TOX: variants seen among roughly 807,000 people sequenced by gnomAD.
TOX encodes thymocyte selection-associated high mobility group box protein TOX.
In TOX, 11 loss-of-function variants were observed where a neutral mutation model predicts 53.7. The observed-to-expected ratio is 0.20, with a 90% confidence interval of 0.13 to 0.34. The LOEUF (loss-of-function observed/expected upper bound fraction) is 0.34, where lower values mean the gene tolerates loss of function less well. Among genes scored for constraint, TOX ranks in the 10% least tolerant of loss-of-function variants. The pLI is 1.00. For missense variants in TOX, 570 were observed against 664.6 expected (o/e 0.86, Z 1.56); for synonymous variants, 225 against 245.3 (o/e 0.92, Z 0.77).
intron 1 of TOX, among the ~76,000 whole-genome samples, chr8:59,089,871 AC>A (rs1804580498): frequency 1.3e-5 from 2 of 152,192 alleles, no homozygotes; most frequent in African/African-American, 4.8e-5. Flanking sequence ...GGTGTGAGCC[AC>A]CATGCCCAGC....
chr8:58,821,855 A>G (rs1019521164), intron 6 of TOX, among the ~76,000 whole-genome samples: 2 of 152,218 alleles, frequency 1.3e-5, no homozygotes, highest in African/African-American at 4.8e-5. Flanking sequence ...GACTTAGAAC[A>G]TACAAGGAAC....
chr8:58,881,512 G>T (rs866507825), intron 3 of TOX, among the ~76,000 whole-genome samples: 3 of 151,932 alleles, frequency 2.0e-5, no homozygotes, highest in African/African-American at 7.3e-5. Context: ...ATCATCTGAG[G>T]TCAGGAGTTC....
chr8:58,904,185 A>G (rs1204084964), intron 3 of TOX, among the ~76,000 whole-genome samples: 2 of 152,220 alleles, frequency 1.3e-5, no homozygotes, highest in African/African-American at 4.8e-5. Context: ...AGAATGCTTC[A>G]GAGTGGAATA....
In TOX at chr8:58,815,326, C is replaced by A; in HGVS notation, c.1392+12G>T. The A allele has an allele frequency of 1.3e-6, 2 of 1,582,388 alleles. No individual in the cohort carries two copies. Among genetic ancestry groups the A allele is most frequent in the Middle Eastern group, 2.1e-4 (1 of 4,752 alleles). On this transcript the variant is annotated intron_variant, in intron 7 of 8. Transcript: ENST00000361421. ...GGGGTGCACACTCTAAGTCCAGAGCCATTGCACTTACTTGCTGCATGGTGG... is the reference window on the plus strand; with the variant it reads ...GGGGTGCACACTCTAAGTCCAGAGCAATTGCACTTACTTGCTGCATGGTGG...
intron 3 of TOX, among the ~76,000 whole-genome samples, chr8:58,887,427 G>GT (rs1216661872): frequency 6.6e-6 from 1 of 151,796 alleles, no homozygotes; most frequent in Non-Finnish European, 1.5e-5. Context: ...ACATGCTGCT[G>GT]TTTTTATTGG....
chr8:59,104,235 C>G (rs1319970535), intron 1 of TOX, among the ~76,000 whole-genome samples: 1 of 152,138 alleles, frequency 6.6e-6, no homozygotes, highest in Non-Finnish European at 1.5e-5. Context: ...GCAGTATCTT[C>G]CTCAAACACA....
intron 1 of TOX, among the ~76,000 whole-genome samples, chr8:58,983,971 A>G (rs1439825978): frequency 6.6e-6 from 1 of 152,224 alleles, no homozygotes; most frequent in Non-Finnish European, 1.5e-5. Flanking sequence ...TACTAGGGTG[A>G]GGCATATTTG....
At chr8:58,945,221 C>T (rs1812507402) in intron 2 of TOX, among the ~76,000 whole-genome samples, 1 of 152,192 alleles carries the variant, frequency 6.6e-6, no homozygotes. Flanking sequence ...CAGAATGTCA[C>T]TGTCTAAATT....
chr8:58,887,283 C>T (rs1293165534), intron 3 of TOX, among the ~76,000 whole-genome samples: 1 of 151,498 alleles, frequency 6.6e-6, no homozygotes, highest in Non-Finnish European at 1.5e-5. Flanking sequence ...TGTGTAATTC[C>T]TGTCAATTTT....
chr8:58,815,780 A>AG, intron 6 of TOX, 56 bp from the exon 7 acceptor site: 1 of 1,536,638 alleles, frequency 6.5e-7, no homozygotes, highest in Non-Finnish European at 8.7e-7. Flanking sequence ...TGTTGATTCA[A>AG]GGTATGACGC....
intron 3 of TOX, among the ~76,000 whole-genome samples, chr8:58,930,538 C>A (rs746474733): frequency 2.0e-5 from 3 of 152,130 alleles, no homozygotes; most frequent in Non-Finnish European, 4.4e-5. Context: ...GAAAGCAATT[C>A]TTGACACATG....
At chr8:59,072,241 G>A (rs1804209959) in intron 1 of TOX, among the ~76,000 whole-genome samples, 1 of 152,118 alleles carries the variant, frequency 6.6e-6, no homozygotes, top group Non-Finnish European at 1.5e-5. Flanking sequence ...TCTGATCAGT[G>A]TAAAAATACC....
chr8:59,088,322 C>T (rs1804549621), intron 1 of TOX, among the ~76,000 whole-genome samples: 2 of 151,988 alleles, frequency 1.3e-5, no homozygotes, highest in African/African-American at 4.8e-5. Context: ...TGTATGCTTA[C>T]GAAGGGATAG....
At chr8:58,975,167 G>A (rs1813069057) in intron 1 of TOX, among the ~76,000 whole-genome samples, 1 of 150,986 alleles carries the variant, frequency 6.6e-6, no homozygotes. Flanking sequence ...TATACTTACA[G>A]AGAAATGTAT....
At chr8:58,995,266 A>G (rs766735385) in intron 1 of TOX, among the ~76,000 whole-genome samples, 6 of 152,090 alleles carry the variant, frequency 3.9e-5, no homozygotes, top group Non-Finnish European at 8.8e-5. Flanking sequence ...TTTGTTTTGT[A>G]TTTCATAAGC....
intron 1 of TOX, among the ~76,000 whole-genome samples, chr8:58,977,121 T>C (rs1813114923): frequency 6.6e-6 from 1 of 152,248 alleles, no homozygotes; most frequent in Non-Finnish European, 1.5e-5. Context: ...GTTTTGTCTA[T>C]ACTGAAAATC....
intron 3 of TOX, among the ~76,000 whole-genome samples, chr8:58,884,456 G>T (rs1274562739): frequency 1.3e-5 from 2 of 152,230 alleles, no homozygotes; most frequent in East Asian, 1.9e-4. Flanking sequence ...TGATGCCTGT[G>T]AAGTTCATTA....
At chr8:59,083,295 G>A (rs755260177) in intron 1 of TOX, among the ~76,000 whole-genome samples, 4 of 152,126 alleles carry the variant, frequency 2.6e-5, no homozygotes, top group Non-Finnish European at 4.4e-5. Flanking sequence ...TTCAAATCAC[G>A]ATTCAAATGC....
intron 1 of TOX, among the ~76,000 whole-genome samples, chr8:58,963,093 A>G (rs1490842106): frequency 6.6e-6 from 1 of 152,182 alleles, no homozygotes; most frequent in Non-Finnish European, 1.5e-5. Context: ...TTGAGGTGAG[A>G]CATCAGTCTT....
Sources: allele counts gnomAD v4.1 joint callset (sites outside exome capture counted in the v4.1 genomes callset), GRCh38; gene constraint gnomAD v4.1.1; transcripts MANE v1.5; gene names NCBI Gene and HGNC (gene_info 2026-07-23, HGNC 2026-07-21).